Variants in GLIS3 observed in about 807,000 individuals in gnomAD.
The protein encoded by GLIS3 is zinc finger protein GLIS3.
GLIS3 carries 53 observed loss-of-function variants against 78.6 expected under a neutral mutation model. The observed-to-expected ratio is 0.67, with a 90% CI of 0.54 to 0.85. The LOEUF is 0.85. GLIS3 is among the 40% of genes least tolerant of loss of function. GLIS3 has a pLI of 0.00. For missense variants in GLIS3, 1,703 were observed against 1,231.1 expected (o/e 1.38, Z -5.74); for synonymous variants, 684 against 509.9 (o/e 1.34, Z -4.60).
chr9:4,398,213 G>C, the GLIS3 span, among the ~76,000 whole-genome samples: 13 of 137,594 alleles, frequency 9.4e-5, 1 homozygote, highest in South Asian at 3.1e-3. Flanking sequence ...AAATTGCTGA[G>C]GCATATTTTT....
At chr9:3,872,725 G>C (rs546929403) in intron 8 of GLIS3, among the ~76,000 whole-genome samples, 1 of 152,116 alleles carries the variant, frequency 6.6e-6, no homozygotes. Context: ...ATTTGGGTGC[G>C]GACACACAGC....
intron 2 of GLIS3, among the ~76,000 whole-genome samples, chr9:4,185,388 G>C (rs1246630703): frequency 6.6e-6 from 1 of 152,052 alleles, no homozygotes; most frequent in African/African-American, 2.4e-5. Context: ...TCTATTTTGG[G>C]CTATTATAAA....
chr9:4,300,132 G>T (rs1188874844), upstream of GLIS3, among the ~76,000 whole-genome samples: 2 of 147,438 alleles, frequency 1.4e-5, no homozygotes, highest in East Asian at 4.1e-4. Flanking sequence ...GGGGGAGGGG[G>T]AAGAGTGGGG....
intron 2 of GLIS3, among the ~76,000 whole-genome samples, chr9:4,340,243 TCCAAAA>T (rs1817815254): frequency 6.8e-6 from 1 of 147,440 alleles, no homozygotes; most frequent in East Asian, 2.0e-4. Flanking sequence ...CTCTGAATAA[TCCAAAA>T]CGTCTGTACC....
intron 2 of GLIS3, among the ~76,000 whole-genome samples, chr9:4,132,063 A>C (rs936205918): frequency 9.9e-5 from 15 of 151,924 alleles, no homozygotes; most frequent in African/African-American, 2.7e-4. Context: ...AAAAAAAAAA[A>C]AACAAAAAAC....
At chr9:4,190,612 G>A (rs1287711524) in intron 2 of GLIS3, among the ~76,000 whole-genome samples, 1 of 151,354 alleles carries the variant, frequency 6.6e-6, no homozygotes, top group Admixed American at 6.6e-5. Flanking sequence ...CACTCTGCAG[G>A]ATATTATCCA....
chr9:4,006,161 C>T (rs556229356), intron 4 of GLIS3, among the ~76,000 whole-genome samples: 3 of 152,064 alleles, frequency 2.0e-5, no homozygotes, highest in Non-Finnish European at 4.4e-5. Flanking sequence ...TGCATGTTTT[C>T]CTGCCTGGAT....
intron 2 of GLIS3, among the ~76,000 whole-genome samples, chr9:4,167,629 G>C (rs1815984035): frequency 6.6e-6 from 1 of 152,292 alleles, no homozygotes; most frequent in Middle Eastern, 3.4e-3. Flanking sequence ...GGATTAGAAA[G>C]ATTAAAAAAC....
At chr9:4,219,522 C>T (rs1160664549) in intron 2 of GLIS3, among the ~76,000 whole-genome samples, 4 of 152,090 alleles carry the variant, frequency 2.6e-5, no homozygotes, top group Admixed American at 2.0e-4. Context: ...CTGAGCCTAC[C>T]CTCAATAAAT....
At chr9:4,255,685 T>C (rs575207167) in intron 2 of GLIS3, among the ~76,000 whole-genome samples, 1 of 152,166 alleles carries the variant, frequency 6.6e-6, no homozygotes, top group African/African-American at 2.4e-5. Flanking sequence ...AGTAAAAAGA[T>C]CAGTGGTTGC....
rs1256300331 is a variant in GLIS3, at chr9:3,847,513, C to T, written c.2473+8496G>A. On this transcript the variant is annotated intron_variant, in intron 9 of 10. Coordinates refer to ENST00000381971, the MANE Select transcript of GLIS3 (RefSeq NM_001042413.2). ...GATTCAATCATTTAATACTCATATT[C>T]ATCAAACATAGCACATTAATATGGT... Among the ~76,000 whole-genome samples the T allele has an allele frequency of 2.0e-5, 3 of 152,238 alleles. No individual in the cohort carries two copies. In the East Asian group the frequency reaches 5.8e-4, roughly 29 times the overall value.
chr9:4,293,394 C>A (rs913998580), intron 1 of GLIS3, among the ~76,000 whole-genome samples: 1 of 152,218 alleles, frequency 6.6e-6, no homozygotes, highest in Non-Finnish European at 1.5e-5. Context: ...TGTTGGTAGA[C>A]AGCAGTTTTA....
At chr9:4,398,172 C>G in the GLIS3 span, among the ~76,000 whole-genome samples, 2 of 152,026 alleles carry the variant, frequency 1.3e-5, no homozygotes, top group African/African-American at 4.8e-5. Context: ...TCCAAACCCA[C>G]AGAATATTCT....
chr9:4,020,592 G>T (rs2130139998), intron 4 of GLIS3, among the ~76,000 whole-genome samples: 1 of 152,318 alleles, frequency 6.6e-6, no homozygotes, highest in East Asian at 1.9e-4. Context: ...ACATACTTAT[G>T]CAGTGACATG....
At chr9:4,445,473 A>G in the GLIS3 span, among the ~76,000 whole-genome samples, 1 of 152,072 alleles carries the variant, frequency 6.6e-6, no homozygotes, top group African/African-American at 2.4e-5. Flanking sequence ...CAATAAATAC[A>G]AATAAAAATA....
At chr9:4,032,475 A>C (rs1308501357) in intron 4 of GLIS3, among the ~76,000 whole-genome samples, 1 of 152,028 alleles carries the variant, frequency 6.6e-6, no homozygotes, top group Non-Finnish European at 1.5e-5. Flanking sequence ...ATATTTTTAA[A>C]AATCTTATTT....
chr9:4,480,726 A>G, the GLIS3 span, among the ~76,000 whole-genome samples: 1 of 152,044 alleles, frequency 6.6e-6, no homozygotes, highest in Non-Finnish European at 1.5e-5. Context: ...CACATTAATA[A>G]TTTTAATATT....
intron 4 of GLIS3, among the ~76,000 whole-genome samples, chr9:4,073,843 G>C (rs577068476): frequency 6.6e-6 from 1 of 152,098 alleles, no homozygotes; most frequent in African/African-American, 2.4e-5. Flanking sequence ...AGTGTATATA[G>C]AGCAGCACCT....
chr9:3,882,136 C>A (rs1049746002), intron 7 of GLIS3, among the ~76,000 whole-genome samples: 1 of 152,150 alleles, frequency 6.6e-6, no homozygotes, highest in Non-Finnish European at 1.5e-5. Flanking sequence ...GGTCCTGGGA[C>A]AGGAAACAAG....
Sources: gnomAD v4.1 joint callset for allele counts (sites outside exome capture counted in the v4.1 genomes callset) on GRCh38, gnomAD v4.1.1 for gene constraint, MANE v1.5 for transcripts, NCBI Gene and HGNC (gene_info 2026-07-23, HGNC 2026-07-21) for gene names.